GABBR1: variants seen among roughly 807,000 people sequenced by gnomAD.
GABBR1 encodes the protein gamma-aminobutyric acid type B receptor subunit 1.
Under a neutral mutation model 117.7 loss-of-function variants are expected in GABBR1, and 35 were observed. The ratio of observed to expected loss-of-function variants is 0.30; its 90% confidence interval spans 0.23 to 0.39. GABBR1 has a LOEUF of 0.39. Among genes scored for constraint, GABBR1 ranks in the 10% least tolerant of loss-of-function variants. GABBR1 has a pLI of 1.00. For synonymous variants in GABBR1, 442 were observed against 486.6 expected (o/e 0.91, Z 1.21); for missense variants, 709 against 1,241.8 (o/e 0.57, Z 6.45).
rs1472567387 is a variant in GABBR1, at chr6:29,621,659, A to G, written c.1131+93T>C. ...GAATCGTCACCTCAGATCATATGCT[A>G]TCAACTCAGGCACAGATGCCAAGAG... is the stretch of plus-strand genomic sequence containing the variant. On this transcript the variant is annotated intron_variant, in intron 10 of 22. Transcript: ENST00000377034. The surrounding 1 kb of genome is among the most constrained non-coding windows in gnomAD (Gnocchi z 5.0). The G allele has an allele frequency of 1.8e-6, 2 of 1,090,042 alleles. No individual in the cohort carries two copies. Among genetic ancestry groups the G allele is most frequent in the Non-Finnish European group, 2.8e-6 (2 of 706,430 alleles). 67.5% of individuals were successfully genotyped at this position (1,090,042 alleles called of 1,614,324 possible). A position where few individuals can be genotyped will look rare whatever the true frequency, so the allele number is the denominator to read the frequency against.
Position 29,623,210 on chromosome 6 carries a change from C to G in GABBR1, c.963+95G>C. 1 of 1,103,360 alleles carries G rather than the reference C, an allele frequency of 9.1e-7. No homozygotes were observed. The highest frequency in any genetic ancestry group is 1.3e-6 in the Non-Finnish European group (1 of 762,106). 68.3% of individuals were successfully genotyped at this position (1,103,360 alleles called of 1,614,324 possible). On this transcript the variant is annotated intron_variant, in intron 8 of 22. Transcript: ENST00000377034. The surrounding 1 kb of genome is among the most constrained non-coding windows in gnomAD (Gnocchi z 6.2). ...AATGCGTTCTCTTTCAATGAAGAAT[C>G]AAGTTCTTGCCCCTAAAAGTGACTC...
chr6:29,609,248 T>C lies in GABBR1; in HGVS notation c.1840A>G (p.Ile614Val). 1.2e-6 allele frequency: 2 copies of C among 1,612,988 alleles called. No individual in the cohort carries two copies. The highest frequency in any genetic ancestry group is 1.7e-6 in the Non-Finnish European group (2 of 1,179,996). The change falls in exon 15 of 23, where the codon ATC (isoleucine) becomes GTC (valine). Residue 614 changes from isoleucine (I) to valine (V), a missense_variant. By Grantham distance (29) the Ile-to-Val change is conservative (BLOSUM62 3). This residue lies in a region of GABBR1 where 251 missense variants were observed against 445.3 expected (regional missense o/e 0.56). Coordinates refer to ENST00000377034, the MANE Select transcript of GABBR1 (RefSeq NM_001470.4). This position sits in a 1 kb window ranked among gnomAD's most constrained non-coding sequence, Gnocchi z 4.3. The stretch of plus-strand genomic sequence containing the variant: ...ACTTACCGGACATGTGAGTTGTAGA[T>C]GTTAAAGGACAGACAGACAACAGCT... ...VLAVVCLSFN[I>V]YNSHVRYIQN...
chr6:29,602,914 A>G lies in GABBR1; in HGVS notation c.*629T>C, dbSNP rs758765499. On this transcript the variant is annotated 3_prime_UTR_variant, in exon 23 of 23. Coordinates refer to ENST00000377034, the MANE Select transcript of GABBR1 (RefSeq NM_001470.4). Reference sequence around the variant, plus strand: ...GGGAAAAGCGTGTGTACACATGAGCATGTTCAGTGGGCACACGCAGGAGAG... The same window carrying G: ...GGGAAAAGCGTGTGTACACATGAGCGTGTTCAGTGGGCACACGCAGGAGAG... 4.6e-6 allele frequency: 2 copies of G among 435,116 alleles called. No homozygotes were observed. The highest frequency in any genetic ancestry group is 9.2e-6 in the Non-Finnish European group (2 of 217,742). The allele number at this position is 435,116 out of a possible 1,614,324, so 27.0% of individuals were successfully genotyped here.
chr6:29,613,541 G>A lies in GABBR1; in HGVS notation c.1324-56C>T. 6.3e-7 allele frequency: 1 copy of A among 1,580,562 alleles called. No homozygotes were observed. Among genetic ancestry groups the A allele is most frequent in the Non-Finnish European group, 8.6e-7 (1 of 1,160,236 alleles). ...TGAAATGTGTGTGGGTGTGGGGGAA[G>A]GGGTGCAATCCAATTCTGACTCAAT... On this transcript the variant is annotated intron_variant, in intron 11 of 22. Transcript: ENST00000377034. The surrounding 1 kb of genome is among the most constrained non-coding windows in gnomAD (Gnocchi z 4.1).
In GABBR1 at chr6:29,613,498, A is replaced by C. The variant is rs368166256; in HGVS notation, c.1324-13T>G. The C allele has an allele frequency of 4.5e-5, 72 of 1,610,432 alleles. No homozygotes were observed. The highest frequency in any genetic ancestry group is 6.1e-5 in the Non-Finnish European group (72 of 1,178,196). ...ATTCCTGGGATGTCTTGGGAGGAAA[A>C]AATCATGAGGAAAGAACTGAAATGT... On this transcript the variant is annotated splice_polypyrimidine_tract_variant and intron_variant, in intron 11 of 22. Coordinates refer to ENST00000377034, the MANE Select transcript of GABBR1 (RefSeq NM_001470.4). This position sits in a 1 kb window ranked among gnomAD's most constrained non-coding sequence, Gnocchi z 4.1.
At position 29,622,070 on chromosome 6, in the gene GABBR1, C is replaced by G. The variant is rs370183406; in HGVS notation, c.1065+34G>C. On this transcript the variant is annotated intron_variant, in intron 9 of 22. Coordinates refer to ENST00000377034, the MANE Select transcript of GABBR1 (RefSeq NM_001470.4). This position sits in a 1 kb window ranked among gnomAD's most constrained non-coding sequence, Gnocchi z 4.6. ...TCACTGTCCCCCAGCTTGGTCCCTC[C>G]GTAAACAGAGCCCACCACTCCCAGC... 8.2e-6 allele frequency: 13 copies of G among 1,576,888 alleles called. No individual in the cohort carries two copies. The highest frequency in any genetic ancestry group is 7.8e-6 in the Non-Finnish European group (9 of 1,146,894).
chr6:29,604,425 G>A lies in GABBR1; in HGVS notation c.2712+69C>T. Reference sequence around the variant, plus strand: ...ACCCTGTATCTCAGGCTTGGCTTCAGACAACCCAAGCTAAGACGCAAGCCT... The same window carrying A: ...ACCCTGTATCTCAGGCTTGGCTTCAAACAACCCAAGCTAAGACGCAAGCCT... On this transcript the variant is annotated intron_variant, in intron 22 of 22. Coordinates refer to ENST00000377034, the MANE Select transcript of GABBR1 (RefSeq NM_001470.4). This position sits in a 1 kb window ranked among gnomAD's most constrained non-coding sequence, Gnocchi z 5.3. 4 of 1,593,330 alleles carry A rather than the reference G, an allele frequency of 2.5e-6. No homozygotes were observed. The African/African-American group carries it at 4.0e-5, about 16-fold the overall frequency.
rs1341376549 is a variant in GABBR1, at chr6:29,613,633, TTAAC to T, written c.1324-152_1324-149del. 122 of 1,024,216 alleles carry T rather than the reference TTAAC, an allele frequency of 1.2e-4. No homozygotes were observed. The African/African-American group carries it at 1.8e-3, about 15-fold the overall frequency. 63.4% of individuals were successfully genotyped at this position (1,024,216 alleles called of 1,614,324 possible). A position where few individuals can be genotyped will look rare whatever the true frequency, so the allele number is the denominator to read the frequency against. On this transcript the variant is annotated intron_variant, in intron 11 of 22. Coordinates refer to ENST00000377034, the MANE Select transcript of GABBR1 (RefSeq NM_001470.4). The surrounding 1 kb of genome is among the most constrained non-coding windows in gnomAD (Gnocchi z 4.1). ...TTGGACACATGTACATTCAAAATCTTTAACTATACCCATGTGTCTGCCTTAGATC... is the reference window on the plus strand; with the variant it reads ...TTGGACACATGTACATTCAAAATCTTTATACCCATGTGTCTGCCTTAGATC...
intron 22 of GABBR1, 84 bp from the exon 23 acceptor site, chr6:29,603,800 G>A (rs55941866): frequency 0.031 from 32,851 of 1,066,380 alleles, 968 homozygotes; most frequent in South Asian, 0.11. Flanking sequence ...GAAGGGCACA[G>A]GGAAAGAGAG....
chr6:29,606,359 T>C lies in GABBR1; in HGVS notation c.2311+32A>G. The C allele has an allele frequency of 6.6e-7, 1 of 1,517,184 alleles. No individual in the cohort carries two copies. The highest frequency in any genetic ancestry group is 1.7e-5 in the Admixed American group (1 of 59,880). 94.0% of individuals were successfully genotyped at this position (1,517,184 alleles called of 1,614,324 possible). On this transcript the variant is annotated intron_variant, in intron 19 of 22. Transcript: ENST00000377034. This position sits in a 1 kb window ranked among gnomAD's most constrained non-coding sequence, Gnocchi z 4.5. ...CTGCCTTCCCTCCTGCCTTTGTGCA[T>C]CCCTGCCCTCCTTTGCCCACATCCC... is the stretch of plus-strand genomic sequence containing the variant.
rs745436849 is a variant in GABBR1 at position 29,621,400 on chromosome 6, A to G, written c.1132-108T>C. ...TTGGGAATCAGGGAAGAGCAGTAGA[A>G]CTAAAAAGAGAAATCTACAAGTCTT... On this transcript the variant is annotated intron_variant, in intron 10 of 22. Transcript: ENST00000377034. This position sits in a 1 kb window ranked among gnomAD's most constrained non-coding sequence, Gnocchi z 5.0. 2 of 852,776 alleles carry G rather than the reference A, an allele frequency of 2.3e-6. No homozygotes were observed. Among genetic ancestry groups the G allele is most frequent in the Non-Finnish European group, 3.6e-6 (2 of 551,816 alleles). The allele number at this position is 852,776 out of a possible 1,614,324, so 52.8% of individuals were successfully genotyped here. A position where few individuals can be genotyped will look rare whatever the true frequency, so the allele number is the denominator to read the frequency against.
At chr6:29,616,738 C>T (rs1480368192) in intron 11 of GABBR1, among the ~76,000 whole-genome samples, 4 of 150,508 alleles carry the variant, frequency 2.7e-5, no homozygotes, top group African/African-American at 9.8e-5. Context: ...GTGATCCCAG[C>T]TTACTTGGGA....
At position 29,603,624 on chromosome 6, in the gene GABBR1, A is replaced by C; in HGVS notation, c.2805T>G (p.Ser935=). 6.4e-7 allele frequency: 1 copy of C among 1,558,344 alleles called. No individual in the cohort carries two copies. Among genetic ancestry groups the C allele is most frequent in the Non-Finnish European group, 8.6e-7 (1 of 1,158,198 alleles). Residue 935 remains serine (S), a synonymous_variant, in exon 23 of 23, where the codon TCT becomes TCG. Transcript: ENST00000377034. The part of the protein sequence containing the change: ...RRHPPTPPEP[S]GGLPRGPPEP... ...CAGGGGGTCCCCTGGGCAGGCCCCC[A>C]GAGGGTTCTGGGGGTGTCGGTGGGT... is the stretch of plus-strand genomic sequence containing the variant.
At position 29,603,291 on chromosome 6, in the gene GABBR1, C is replaced by T. The variant is rs1562071191; in HGVS notation, c.*252G>A. The T allele has an allele frequency of 1.5e-6, 1 of 672,096 alleles. No individual in the cohort carries two copies. 41.6% of individuals were successfully genotyped at this position (672,096 alleles called of 1,614,324 possible). A position where few individuals can be genotyped will look rare whatever the true frequency, so the allele number is the denominator to read the frequency against. On this transcript the variant is annotated 3_prime_UTR_variant, in exon 23 of 23. Transcript: ENST00000377034. Reference sequence around the variant, plus strand: ...GTGTGAGCAGTGAGCAGCTTCAAGCCAGGTACGAACTAAATTGTGAAGAGG... The same window carrying T: ...GTGTGAGCAGTGAGCAGCTTCAAGCTAGGTACGAACTAAATTGTGAAGAGG...
Position 29,606,140 on chromosome 6 carries a change from G to T in GABBR1, c.2311+251C>A, listed in dbSNP as rs1582950366. 3.5e-6 allele frequency: 2 copies of T among 563,720 alleles called. No homozygotes were observed. Among genetic ancestry groups the T allele is most frequent in the Non-Finnish European group, 6.3e-6 (2 of 317,608 alleles). The allele number at this position is 563,720 out of a possible 1,614,324, so 34.9% of individuals were successfully genotyped here. On this transcript the variant is annotated intron_variant, in intron 19 of 22. Coordinates refer to ENST00000377034, the MANE Select transcript of GABBR1 (RefSeq NM_001470.4). This position sits in a 1 kb window ranked among gnomAD's most constrained non-coding sequence, Gnocchi z 4.5. ...TCTGGAGGTGGGGTTACCCCCACTT[G>T]TTCCTCTGCTGAACACAAGTTCTTC...
rs1356646861 is a variant in GABBR1 at position 29,613,146 on chromosome 6, T to C, written c.1566+97A>G. 4 of 1,331,842 alleles carry C rather than the reference T, an allele frequency of 3.0e-6. No individual in the cohort carries two copies. The highest frequency in any genetic ancestry group is 4.2e-6 in the Non-Finnish European group (4 of 948,724). 82.5% of individuals were successfully genotyped at this position (1,331,842 alleles called of 1,614,324 possible). A position where few individuals can be genotyped will look rare whatever the true frequency, so the allele number is the denominator to read the frequency against. On this transcript the variant is annotated intron_variant, in intron 12 of 22. Coordinates refer to ENST00000377034, the MANE Select transcript of GABBR1 (RefSeq NM_001470.4). This position sits in a 1 kb window ranked among gnomAD's most constrained non-coding sequence, Gnocchi z 4.1. Reference sequence around the variant, plus strand: ...GAGACTGATTCTGCAAAGAAGTAACTGAGAAAAACAGAGAATGCATGTTTG... The same window carrying C: ...GAGACTGATTCTGCAAAGAAGTAACCGAGAAAAACAGAGAATGCATGTTTG...
chr6:29,611,085 C>A lies in GABBR1; in HGVS notation c.1631-84G>T. ...TTTTCAACTTCCCACTTCCCTAGAG[C>A]TTTGCATGGTTGTATCTGATTTTAT... On this transcript the variant is annotated intron_variant, in intron 13 of 22. Transcript: ENST00000377034. The surrounding 1 kb of genome is among the most constrained non-coding windows in gnomAD (Gnocchi z 4.6). The A allele has an allele frequency of 9.4e-7, 1 of 1,066,466 alleles. No individual in the cohort carries two copies. The highest frequency in any genetic ancestry group is 1.4e-6 in the Non-Finnish European group (1 of 689,938). The allele number at this position is 1,066,466 out of a possible 1,614,324, so 66.1% of individuals were successfully genotyped here. A position where few individuals can be genotyped will look rare whatever the true frequency, so the allele number is the denominator to read the frequency against.
intron 22 of GABBR1, 53 bp from the exon 23 acceptor site, chr6:29,603,769 G>C: frequency 7.4e-7 from 1 of 1,350,584 alleles, no homozygotes; most frequent in Non-Finnish European, 9.7e-7. Context: ...TGATGAAGGA[G>C]TGGGGAGGAG....
rs571703030 is a variant in GABBR1 at position 29,610,646 on chromosome 6, C to T, written c.1708+278G>A. Among the ~76,000 whole-genome samples the T allele has an allele frequency of 2.0e-4, 31 of 152,102 alleles. No homozygotes were observed. The East Asian group carries it at 4.8e-3, about 24-fold the overall frequency. On this transcript the variant is annotated intron_variant, in intron 14 of 22. Transcript: ENST00000377034. ...AAACCCAAATGGAGTTTCCATTTCC[C>T]GCCCTCTGCCCACCCCCTGCCTCTA...
Sources: gnomAD v4.1 joint callset for allele counts (sites outside exome capture counted in the v4.1 genomes callset) on GRCh38, gnomAD v4.1.1 for gene constraint, gnomAD v4.1.1 regional missense constraint, Gnocchi (gnomAD v3.1) non-coding constraint, MANE v1.5 for transcripts, NCBI Gene and HGNC (gene_info 2026-07-23, HGNC 2026-07-21) for gene names.